AGAP1: variants seen among roughly 807,000 people sequenced by gnomAD.
The protein encoded by AGAP1 is ArfGAP with GTPase domain, ankyrin repeat and PH domain 1, also known as arf-GAP with GTPase, ANK repeat and PH domain-containing protein 1.
Under a neutral mutation model 105.3 loss-of-function variants are expected in AGAP1, and 29 were observed. That is an observed-to-expected ratio of 0.28 (90% CI 0.21 to 0.38). The LOEUF is 0.38. AGAP1 is among the 10% of genes least tolerant of loss of function. AGAP1 has a pLI of 1.00. For synonymous variants in AGAP1, 509 were observed against 485.9 expected, an observed-to-expected ratio of 1.05 and a Z score of -0.63; for missense variants, 998 against 1,165.1, an observed-to-expected ratio of 0.86 and a Z score of 2.09.
intron 13 of AGAP1, among the ~76,000 whole-genome samples, chr2:236,017,162 G>A (rs1456662093): frequency 6.6e-6 from 1 of 151,470 alleles, no homozygotes; most frequent in African/African-American, 2.4e-5. Flanking sequence ...GCATAGTGGC[G>A]AGCACCTGTA....
Position 235,901,281 on chromosome 2 carries a change from CTT to C in AGAP1, c.1156-7446_1156-7445del, listed in dbSNP as rs879756278. Among the ~76,000 whole-genome samples the C allele has an allele frequency of 1.4e-5, 2 of 145,850 alleles. No individual in the cohort carries two copies. On this transcript the variant is annotated intron_variant, in intron 10 of 17. Coordinates refer to ENST00000304032, the MANE Select transcript of AGAP1 (RefSeq NM_001037131.3). The surrounding 1 kb of genome is among the most constrained non-coding windows in gnomAD (Gnocchi z 4.3). ...ACTTTACAATGGCTTCTCTTACATACTTTTTTTTTTTTGAGCCCAGAAGTGAG... is the reference window on the plus strand; with the variant it reads ...ACTTTACAATGGCTTCTCTTACATACTTTTTTTTTTGAGCCCAGAAGTGAG...
At position 235,694,053 on chromosome 2, in the gene AGAP1, C is replaced by T. The variant is rs117213986; in HGVS notation, c.164-15126C>T. Among the ~76,000 whole-genome samples, 118 of 152,204 alleles carry T rather than the reference C, an allele frequency of 7.8e-4. 4 individuals are homozygous for T. The East Asian group carries it at 0.022, about 29-fold the overall frequency. ...TGATTCAAAGCATGAGGAATAAGATCGGGAAGCTGGCCAGATGTGGTGGCT... is the reference window on the plus strand; with the variant it reads ...TGATTCAAAGCATGAGGAATAAGATTGGGAAGCTGGCCAGATGTGGTGGCT... On this transcript the variant is annotated intron_variant, in intron 1 of 17. Coordinates refer to ENST00000304032, the MANE Select transcript of AGAP1 (RefSeq NM_001037131.3).
At chr2:235,496,728 G>C (rs1414629210) in intron 1 of AGAP1, among the ~76,000 whole-genome samples, 3 of 150,838 alleles carry the variant, frequency 2.0e-5, no homozygotes, top group African/African-American at 7.3e-5. Context: ...TTTCTAGCAA[G>C]AGGATGTGGT....
intron 1 of AGAP1, among the ~76,000 whole-genome samples, chr2:235,696,785 A>AC (rs1465327890): frequency 2.6e-4 from 40 of 152,056 alleles, no homozygotes; most frequent in Admixed American, 2.6e-3. Context: ...CTTATACGAG[A>AC]CCATCCCAGC....
intron 11 of AGAP1, among the ~76,000 whole-genome samples, chr2:235,910,965 A>G (rs2051581802): frequency 6.6e-6 from 1 of 151,928 alleles, no homozygotes; most frequent in African/African-American, 2.4e-5. Context: ...AGTTGTGCGC[A>G]CTGCAGATAC....
At chr2:235,564,430 C>T (rs540940393) in intron 1 of AGAP1, among the ~76,000 whole-genome samples, 1 of 152,320 alleles carries the variant, frequency 6.6e-6, no homozygotes, top group Non-Finnish European at 1.5e-5. Context: ...GCCAAATAAC[C>T]GAGACTAGCT....
At chr2:235,661,739 G>T (rs1575064244) in intron 1 of AGAP1, among the ~76,000 whole-genome samples, 1 of 152,316 alleles carries the variant, frequency 6.6e-6, no homozygotes, top group East Asian at 1.9e-4. Context: ...CCAGTGCACT[G>T]GAGTTCGTAC....
At chr2:235,968,378 C>A in intron 12 of AGAP1, 84 bp from the exon 13 acceptor site, 1 of 1,487,010 alleles carries the variant, frequency 6.7e-7, no homozygotes, top group Non-Finnish European at 9.0e-7. Context: ...AGGAGCGTGG[C>A]TGTGCTGTTT....
In AGAP1 at chr2:236,036,767, C is replaced by A. The variant is rs188585926; in HGVS notation, c.1800+52C>A. 6.2e-7 allele frequency: 1 copy of A among 1,605,024 alleles called. No individual in the cohort carries two copies. The highest frequency in any genetic ancestry group is 1.7e-5 in the Admixed American group (1 of 58,352). On this transcript the variant is annotated intron_variant, in intron 14 of 17. Transcript: ENST00000304032. This position sits in a 1 kb window ranked among gnomAD's most constrained non-coding sequence, Gnocchi z 5.7. Reference sequence around the variant, plus strand: ...AGGCTGGGGCTGCTCAGGGGGAGTGCGGGCCCCAAGTAATGCCCCAGGGAG... The same window carrying A: ...AGGCTGGGGCTGCTCAGGGGGAGTGAGGGCCCCAAGTAATGCCCCAGGGAG...
At chr2:235,571,877 C>G (rs937164458) in intron 1 of AGAP1, among the ~76,000 whole-genome samples, 1 of 150,476 alleles carries the variant, frequency 6.6e-6, no homozygotes, top group Non-Finnish European at 1.5e-5. Flanking sequence ...GGACTACAGG[C>G]GTTTGCCACC....
intron 8 of AGAP1, among the ~76,000 whole-genome samples, chr2:235,802,974 G>GTGATGGTGATGA (rs1304678826): frequency 1.6e-3 from 44 of 27,564 alleles, no homozygotes; most frequent in African/African-American, 2.5e-3. Flanking sequence ...GATGATGGTT[G>GTGATGGTGATGA]TGGTTGTGAT....
chr2:235,775,615 C>T (rs1180928360), intron 6 of AGAP1: 4 of 152,128 alleles, frequency 2.6e-5, no homozygotes, highest in Non-Finnish European at 5.9e-5. Context: ...ATAGTCCTTC[C>T]TCCCACCCCG....
At chr2:235,675,307 A>G (rs999309733) in intron 1 of AGAP1, among the ~76,000 whole-genome samples, 1 of 150,844 alleles carries the variant, frequency 6.6e-6, no homozygotes, top group Non-Finnish European at 1.5e-5. Flanking sequence ...CTCCTGCCTC[A>G]GCCTCTCCGA....
At chr2:235,813,015 G>C (rs1958243560) in intron 9 of AGAP1, among the ~76,000 whole-genome samples, 1 of 152,204 alleles carries the variant, frequency 6.6e-6, no homozygotes. Flanking sequence ...ACCCAGCCCA[G>C]TTACGATGAT....
At chr2:235,850,784 T>C (rs549974847) in intron 9 of AGAP1, among the ~76,000 whole-genome samples, 9 of 152,346 alleles carry the variant, frequency 5.9e-5, no homozygotes, top group Non-Finnish European at 1.3e-4. Context: ...GAAAGCATGA[T>C]GACTGTACTT....
rs2149342057 is a variant in AGAP1, at chr2:235,662,754, T to C, written c.164-46425T>C. Among the ~76,000 whole-genome samples, 1 of 152,274 alleles carries C rather than the reference T, an allele frequency of 6.6e-6. No homozygotes were observed. The highest frequency in any genetic ancestry group is 2.4e-5 in the African/African-American group (1 of 41,570). ...GCTCAGCAGCTGCAGGAGTTGGGGT[T>C]TTCTGGGCTCACACCCAGCCTGTGT... On this transcript the variant is annotated intron_variant, in intron 1 of 17. Coordinates refer to ENST00000304032, the MANE Select transcript of AGAP1 (RefSeq NM_001037131.3). This position sits in a 1 kb window ranked among gnomAD's most constrained non-coding sequence, Gnocchi z 4.2.
At chr2:235,837,126 C>T (rs1472468156) in intron 9 of AGAP1, among the ~76,000 whole-genome samples, 2 of 152,184 alleles carry the variant, frequency 1.3e-5, no homozygotes, top group Non-Finnish European at 2.9e-5. Flanking sequence ...GCTGGGATTA[C>T]AGGCATGCAA....
intron 6 of AGAP1, among the ~76,000 whole-genome samples, chr2:235,759,310 A>G (rs1283978136): frequency 6.6e-6 from 1 of 151,770 alleles, no homozygotes; most frequent in Non-Finnish European, 1.5e-5. Context: ...CTGGGACTAC[A>G]GGCGCCTGCC....
rs1240694209 is a variant in AGAP1, at chr2:235,611,598, C to T, written c.164-97581C>T. On this transcript the variant is annotated intron_variant, in intron 1 of 17. Coordinates refer to ENST00000304032, the MANE Select transcript of AGAP1 (RefSeq NM_001037131.3). The surrounding 1 kb of genome is among the most constrained non-coding windows in gnomAD (Gnocchi z 5.0). ...GACGCTGTGTAATTAGAGAATCCCT[C>T]TCCACATGTGTTCTCTGAACAGGGA... Among the ~76,000 whole-genome samples the T allele has an allele frequency of 6.6e-6, 1 of 152,116 alleles. No homozygotes were observed. Among genetic ancestry groups the T allele is most frequent in the Non-Finnish European group, 1.5e-5 (1 of 68,012 alleles).
Sources: gnomAD v4.1 joint callset for allele counts (sites outside exome capture counted in the v4.1 genomes callset) on GRCh38, gnomAD v4.1.1 for gene constraint, Gnocchi (gnomAD v3.1) non-coding constraint, MANE v1.5 for transcripts, NCBI Gene and HGNC (gene_info 2026-07-23, HGNC 2026-07-21) for gene names.